Variants in TBC1D10A observed in about 807,000 individuals in gnomAD.
The protein encoded by TBC1D10A is EBP50-PDX interactor of 64 kDa.
A neutral mutation model predicts 52.9 loss-of-function variants in TBC1D10A; 24 were observed. The observed-to-expected ratio is 0.45, with a 90% CI of 0.33 to 0.64. The LOEUF (loss-of-function observed/expected upper bound fraction) is 0.64. Among genes scored for constraint, TBC1D10A ranks in the 30% least tolerant of loss-of-function variants. The pLI is 0.02. For synonymous variants in TBC1D10A, 278 were observed against 282.9 expected, an observed-to-expected ratio of 0.98 and a Z score of 0.17; for missense variants, 602 against 687.9, an observed-to-expected ratio of 0.88 and a Z score of 1.40.
intron 1 of TBC1D10A, among the ~76,000 whole-genome samples, chr22:30,305,829 A>AAGG (rs1930299984): frequency 6.6e-6 from 1 of 152,182 alleles, no homozygotes; most frequent in Non-Finnish European, 1.5e-5. Flanking sequence ...GTAGCCTTGG[A>AAGG]ACTGAACGTC....
intron 1 of TBC1D10A, among the ~76,000 whole-genome samples, 182 bp downstream of exon 1, chr22:30,326,491 G>A (rs933991009): frequency 8.8e-5 from 13 of 148,452 alleles, no homozygotes; most frequent in Non-Finnish European, 1.6e-4. Flanking sequence ...GTCGGAAGTA[G>A]GACTGCGAAG....
chr22:30,313,721 G>A (rs1930477684), intron 1 of TBC1D10A, among the ~76,000 whole-genome samples: 1 of 151,754 alleles, frequency 6.6e-6, no homozygotes, highest in South Asian at 2.1e-4. Flanking sequence ...TGTGTTGAGT[G>A]ATTCATGAGC....
rs765850304 is a variant in TBC1D10A at position 30,293,321 on chromosome 22, T to C, written c.1050+330A>G. ...CACGCATGTTCCACCTAATTGCCCCTGAGAGACAAGTATCCATAAAGAAAG... is the reference window on the plus strand; with the variant it reads ...CACGCATGTTCCACCTAATTGCCCCCGAGAGACAAGTATCCATAAAGAAAG... On this transcript the variant is annotated intron_variant, in intron 8 of 8. Transcript: ENST00000215790. 4.7e-5 allele frequency: 29 copies of C among 619,042 alleles called. No individual in the cohort carries two copies. In the East Asian group the frequency reaches 7.3e-4, roughly 16 times the overall value. The allele number at this position is 619,042 out of a possible 1,614,324, so 38.3% of individuals were successfully genotyped here. A position where few individuals can be genotyped will look rare whatever the true frequency, so the allele number is the denominator to read the frequency against.
At chr22:30,295,197 G>T in intron 4 of TBC1D10A, 142 bp from the exon 5 acceptor site, 1 of 776,804 alleles carries the variant, frequency 1.3e-6, no homozygotes, top group Non-Finnish European at 2.1e-6. Flanking sequence ...TCACCAAGGG[G>T]TCAGTCTCCT....
intron 3 of TBC1D10A, chr22:30,298,329 C>G (rs369556881): frequency 6.6e-6 from 1 of 152,232 alleles, no homozygotes. Context: ...TCCAGTGTGG[C>G]CTGGTATTGG....
At chr22:30,316,466 T>G (rs1601679586) in intron 1 of TBC1D10A, among the ~76,000 whole-genome samples, 2 of 151,812 alleles carry the variant, frequency 1.3e-5, no homozygotes, top group South Asian at 2.1e-4. Context: ...TTTTTGTTTT[T>G]TTTTTTTTGA....
intron 1 of TBC1D10A, among the ~76,000 whole-genome samples, chr22:30,324,231 C>T (rs1366041382): frequency 6.6e-6 from 1 of 152,186 alleles, no homozygotes; most frequent in Non-Finnish European, 1.5e-5. Flanking sequence ...AACATGGACT[C>T]CTAGCCTTCA....
intron 4 of TBC1D10A, 26 bp downstream of exon 4, chr22:30,295,711 C>T (rs1930063315): frequency 3.1e-6 from 5 of 1,612,288 alleles, no homozygotes; most frequent in Non-Finnish European, 4.2e-6. Flanking sequence ...AGCCACCTCC[C>T]ACCTCATGAG....
At chr22:30,322,380 A>G (rs1930673041) in intron 1 of TBC1D10A, among the ~76,000 whole-genome samples, 1 of 152,072 alleles carries the variant, frequency 6.6e-6, no homozygotes, top group South Asian at 2.1e-4. Context: ...AGGATCATTT[A>G]CTGGCAAGCT....
chr22:30,299,515 G>C lies in TBC1D10A; in HGVS notation c.346C>G (p.Leu116Val). ...AGGTACTGCCAAGCACGGCCCCGCA[G>C]AGAAGGCGGGATGCCCTTTTGGCAC... ...LRCQKGIPPS[L>V]RGRAWQYLSG... Residue 116 changes from leucine (L) to valine (V), a missense_variant, in exon 3 of 9, where the codon CTG (leucine) becomes GTG (valine). Leu to Val is a conservative substitution (Grantham distance 32). This residue lies in a region of TBC1D10A where 201 missense variants were observed against 204.4 expected (regional missense o/e 0.98). Coordinates refer to ENST00000215790, the MANE Select transcript of TBC1D10A (RefSeq NM_031937.3). The C allele has an allele frequency of 6.2e-7, 1 of 1,614,206 alleles. No individual in the cohort carries two copies. The highest frequency in any genetic ancestry group is 8.5e-7 in the Non-Finnish European group (1 of 1,180,010).
At chr22:30,295,917 G>T in intron 3 of TBC1D10A, 74 bp from the exon 4 acceptor site, 1 of 1,374,460 alleles carries the variant, frequency 7.3e-7, no homozygotes, top group Non-Finnish European at 9.9e-7. Flanking sequence ...GGCTGCCCAG[G>T]GATTAGGGGA....
At chr22:30,309,694 C>T (rs1930387385) in intron 1 of TBC1D10A, among the ~76,000 whole-genome samples, 2 of 152,250 alleles carry the variant, frequency 1.3e-5, no homozygotes, top group Admixed American at 1.3e-4. Context: ...TGACCCCATT[C>T]TCTGTAGGTT....
At chr22:30,313,083 G>A (rs1028199408) in intron 1 of TBC1D10A, among the ~76,000 whole-genome samples, 1 of 152,134 alleles carries the variant, frequency 6.6e-6, no homozygotes, top group African/African-American at 2.4e-5. Context: ...AAGGGTGACA[G>A]GAAGTAGCTA....
intron 1 of TBC1D10A, among the ~76,000 whole-genome samples, chr22:30,320,361 G>A (rs762723582): frequency 6.6e-6 from 1 of 151,988 alleles, no homozygotes; most frequent in Non-Finnish European, 1.5e-5. Flanking sequence ...GGAAGGGGGA[G>A]GTAGCCAGAT....
intron 1 of TBC1D10A, among the ~76,000 whole-genome samples, chr22:30,306,645 CT>C (rs1930315693): frequency 6.6e-6 from 1 of 152,252 alleles, no homozygotes; most frequent in African/African-American, 2.4e-5. Context: ...ACTACTTTAA[CT>C]GTGCATGTCA....
intron 3 of TBC1D10A, 22 bp downstream of exon 3, chr22:30,299,422 G>A: frequency 6.2e-7 from 1 of 1,611,064 alleles, no homozygotes; most frequent in Non-Finnish European, 8.5e-7. Flanking sequence ...AGGGAGGGCA[G>A]GGCAAAGGAA....
intron 3 of TBC1D10A, chr22:30,298,599 C>T (rs1930134500): frequency 6.6e-6 from 1 of 152,290 alleles, no homozygotes; most frequent in African/African-American, 2.4e-5. Flanking sequence ...TGCTCTGTCT[C>T]ACTGTCTGCC....
At position 30,297,819 on chromosome 22, in the gene TBC1D10A, C is replaced by G. The variant is rs769531133; in HGVS notation, c.417+1625G>C. On this transcript the variant is annotated intron_variant, in intron 3 of 8. Transcript: ENST00000215790. This position sits in a 1 kb window ranked among gnomAD's most constrained non-coding sequence, Gnocchi z 4.3. ...CAGGTGCATGCTGCCATCACCAGACCCCCACTGTGCCCTGCCTCGGCACAG... is the reference window on the plus strand; with the variant it reads ...CAGGTGCATGCTGCCATCACCAGACGCCCACTGTGCCCTGCCTCGGCACAG... 6.6e-6 allele frequency: 1 copy of G among 152,102 alleles called. No homozygotes were observed. Among genetic ancestry groups the G allele is most frequent in the Non-Finnish European group, 1.5e-5 (1 of 68,030 alleles). The allele number at this position is 152,102 out of a possible 1,614,324, so 9.4% of individuals were successfully genotyped here.
At position 30,322,169 on chromosome 22, in the gene TBC1D10A, C is replaced by T. The variant is rs191469035; in HGVS notation, c.209+4504G>A. Among the ~76,000 whole-genome samples the T allele has an allele frequency of 2.8e-4, 42 of 151,966 alleles. No homozygotes were observed. In the East Asian group the frequency reaches 5.8e-3, roughly 21 times the overall value. On this transcript the variant is annotated intron_variant, in intron 1 of 8. Transcript: ENST00000215790. ...CTAATTTTTGTATTTTTAGTAGAGA[C>T]GGGGTTTCACCATGTTGGCCAGGCT...
Sources: gnomAD v4.1 joint callset for allele counts (sites outside exome capture counted in the v4.1 genomes callset) on GRCh38, gnomAD v4.1.1 for gene constraint, gnomAD v4.1.1 regional missense constraint, Gnocchi (gnomAD v3.1) non-coding constraint, MANE v1.5 for transcripts, NCBI Gene and HGNC (gene_info 2026-07-23, HGNC 2026-07-21) for gene names.